Variants in TRRAP observed in about 807,000 individuals in gnomAD.
The protein encoded by TRRAP is transformation/transcription domain associated protein, also known as transformation/transcription domain-associated protein.
A neutral mutation model predicts 438.8 loss-of-function variants in TRRAP; 41 were observed. That is an observed-to-expected ratio of 0.09 (90% CI 0.07 to 0.12). TRRAP has a LOEUF of 0.12. TRRAP is among the 10% of genes least tolerant of loss of function. TRRAP has a pLI of 1.00. For missense variants in TRRAP, 3,122 were observed against 5,055.1 expected (o/e 0.62, Z 11.60); for synonymous variants, 1,994 against 1,962.9 (o/e 1.02, Z -0.42).
At chr7:98,990,818 G>T (rs1793399565) in intron 64 of TRRAP, among the ~76,000 whole-genome samples, 199 bp downstream of exon 64, 1 of 152,164 alleles carries the variant, frequency 6.6e-6, no homozygotes, top group African/African-American at 2.4e-5. Flanking sequence ...GAGTTGAAAT[G>T]AAATAGCTAA....
chr7:98,949,366 T>A lies in TRRAP; in HGVS notation c.4789-51T>A, dbSNP rs376586986. ...ATTTAACATTCATATCCTCTAACTT[T>A]CTGTGAGTTTGATTAGCTTAAAACG... On this transcript the variant is annotated intron_variant, in intron 35 of 72. Coordinates refer to ENST00000456197, the MANE Select transcript of TRRAP (RefSeq NM_001375524.1). 4 of 1,442,828 alleles carry A rather than the reference T, an allele frequency of 2.8e-6. No homozygotes were observed. In the African/African-American group the frequency reaches 5.7e-5, roughly 21 times the overall value. The allele number at this position is 1,442,828 out of a possible 1,614,324, so 89.4% of individuals were successfully genotyped here. A position where few individuals can be genotyped will look rare whatever the true frequency, so the allele number is the denominator to read the frequency against.
chr7:98,993,493 C>CGA, intron 65 of TRRAP, 45 bp from the exon 66 acceptor site: 1 of 1,595,682 alleles, frequency 6.3e-7, no homozygotes, highest in Non-Finnish European at 8.5e-7. Flanking sequence ...GCCCTGGCGT[C>CGA]TGTCGGTTTT....
intron 65 of TRRAP, among the ~76,000 whole-genome samples, chr7:98,993,035 G>A (rs535884592): frequency 4.6e-5 from 7 of 152,300 alleles, no homozygotes; most frequent in East Asian, 3.9e-4. Flanking sequence ...AAAAATGACC[G>A]TATTTTTCAA....
intron 27 of TRRAP, 124 bp downstream of exon 27, chr7:98,933,526 C>CT: frequency 7.6e-7 from 1 of 1,322,140 alleles, no homozygotes. Flanking sequence ...TGCAGGTAAC[C>CT]CACTGACACC....
intron 40 of TRRAP, among the ~76,000 whole-genome samples, chr7:98,954,307 C>T (rs1402581779): frequency 5.3e-5 from 8 of 152,246 alleles, no homozygotes; most frequent in Admixed American, 2.0e-4. Flanking sequence ...TTAATGTCTC[C>T]GTGTGAGAAT....
chr7:98,910,621 C>T lies in TRRAP; in HGVS notation c.1812+14C>T. On this transcript the variant is annotated intron_variant, in intron 16 of 72. Transcript: ENST00000456197. ...GATATTTATCAGGTAAGGAAGTGCC[C>T]TCCAGCCAGGCTTTCGCATATGGAA... 6.2e-7 allele frequency: 1 copy of T among 1,601,468 alleles called. No individual in the cohort carries two copies. Among genetic ancestry groups the T allele is most frequent in the Non-Finnish European group, 8.5e-7 (1 of 1,173,908 alleles).
At chr7:98,998,691 A>T (rs959326719) in intron 67 of TRRAP, 1 of 167,946 alleles carries the variant, frequency 6.0e-6, no homozygotes, top group Non-Finnish European at 1.3e-5. Flanking sequence ...CAGCCAGTAC[A>T]TGGCATCCAC....
intron 32 of TRRAP, 46 bp from the exon 33 acceptor site, chr7:98,945,884 C>G (rs1274407320): frequency 6.4e-7 from 1 of 1,565,042 alleles, no homozygotes. Context: ...TTTCTTTTTA[C>G]CTTTCTGTTG....
intron 27 of TRRAP, among the ~76,000 whole-genome samples, chr7:98,934,980 A>C (rs181229907): frequency 6.6e-6 from 1 of 152,090 alleles, no homozygotes; most frequent in African/African-American, 2.4e-5. Flanking sequence ...GTTTTCCAGG[A>C]TGTGAATGAA....
chr7:98,894,161 G>C (rs964439384), intron 6 of TRRAP, among the ~76,000 whole-genome samples: 5 of 152,250 alleles, frequency 3.3e-5, no homozygotes, highest in Non-Finnish European at 7.3e-5. Context: ...ACAAGTCATT[G>C]TATGTTGTAC....
intron 30 of TRRAP, 41 bp from the exon 31 acceptor site, chr7:98,942,908 C>T (rs1790865692): frequency 6.2e-7 from 1 of 1,607,034 alleles, no homozygotes. Flanking sequence ...GTGGAATGCA[C>T]CTACTGTGAA....
intron 67 of TRRAP, among the ~76,000 whole-genome samples, chr7:98,995,212 A>T (rs1392089591): frequency 1.3e-5 from 2 of 152,076 alleles, no homozygotes; most frequent in Non-Finnish European, 2.9e-5. Context: ...CCAGTAGGAG[A>T]CAGAGTCCTG....
chr7:98,989,603 A>G (rs970488197), intron 63 of TRRAP, among the ~76,000 whole-genome samples: 1 of 152,242 alleles, frequency 6.6e-6, no homozygotes, highest in Non-Finnish European at 1.5e-5. Flanking sequence ...TTGATTTAAC[A>G]TAAAAATTTG....
At chr7:98,989,768 G>T (rs900494895) in intron 63 of TRRAP, among the ~76,000 whole-genome samples, 1 of 152,262 alleles carries the variant, frequency 6.6e-6, no homozygotes, top group Non-Finnish European at 1.5e-5. Flanking sequence ...TGTTGCCGGG[G>T]TGATGAGCAT....
intron 33 of TRRAP, among the ~76,000 whole-genome samples, chr7:98,946,311 G>A (rs1337443744): frequency 2.0e-5 from 3 of 152,124 alleles, no homozygotes; most frequent in Admixed American, 2.0e-4. Context: ...GCTAGAAGTG[G>A]GAGGAATTAC....
In TRRAP at chr7:99,008,544, A is replaced by C; in HGVS notation, c.10921A>C (p.Thr3641Pro). 2 of 1,613,266 alleles carry C rather than the reference A, an allele frequency of 1.2e-6. No homozygotes were observed. Residue 3641 changes from threonine (T) to proline (P), a missense_variant, in exon 70 of 73, where the codon ACC becomes CCC. Around this residue, in one of 24 missense-constraint regions of TRRAP, gnomAD observed 192 missense variants for 355.6 expected, o/e 0.54. Coordinates refer to ENST00000456197, the MANE Select transcript of TRRAP (RefSeq NM_001375524.1). ...GCTGGCTACGGTGCAGGCGCGGGGA[A>C]CCCAAGCCAGCCACCAGGTAGCAGT... is the stretch of plus-strand genomic sequence containing the variant. ...DRLATVQARG[T>P]QASHQVLRDI... is the part of the protein sequence containing the mutation.
chr7:98,953,634 C>T (rs887768556), intron 40 of TRRAP, among the ~76,000 whole-genome samples: 4 of 140,714 alleles, frequency 2.8e-5, no homozygotes, highest in Admixed American at 7.0e-5. Flanking sequence ...ATAGAGATTG[C>T]GGGGGTTGGG....
At chr7:98,940,960 T>C (rs1790770034) in intron 30 of TRRAP, among the ~76,000 whole-genome samples, 1 of 152,224 alleles carries the variant, frequency 6.6e-6, no homozygotes, top group Non-Finnish European at 1.5e-5. Context: ...CACCTTACTT[T>C]TAGGGTGTGC....
In TRRAP at chr7:99,005,041, G is replaced by T. The variant is rs1056238121; in HGVS notation, c.10536-90G>T. On this transcript the variant is annotated intron_variant, in intron 68 of 72. Coordinates refer to ENST00000456197, the MANE Select transcript of TRRAP (RefSeq NM_001375524.1). The surrounding 1 kb of genome is among the most constrained non-coding windows in gnomAD (Gnocchi z 5.1). ...GCTGGCCTACACAGTCCGTTTTCCC[G>T]TGACAGTTCGGACATTCCTAGCTTC... 1.4e-5 allele frequency: 19 copies of T among 1,355,690 alleles called. No individual in the cohort carries two copies. In the Admixed American group the frequency reaches 2.7e-4, roughly 19 times the overall value. The allele number at this position is 1,355,690 out of a possible 1,614,324, so 84.0% of individuals were successfully genotyped here. A position where few individuals can be genotyped will look rare whatever the true frequency, so the allele number is the denominator to read the frequency against.
Sources: gnomAD v4.1 joint callset for allele counts (sites outside exome capture counted in the v4.1 genomes callset) on GRCh38, gnomAD v4.1.1 for gene constraint, gnomAD v4.1.1 regional missense constraint, Gnocchi (gnomAD v3.1) non-coding constraint, MANE v1.5 for transcripts, NCBI Gene and HGNC (gene_info 2026-07-23, HGNC 2026-07-21) for gene names.